The following KANSL3 variants were observed in gnomAD, a reference collection of about 807,000 sequenced individuals.
KANSL3 encodes KAT8 regulatory NSL complex subunit 3, also known as NSL complex protein NSL3.
KANSL3 carries 16 observed loss-of-function variants against 89.2 expected under a neutral mutation model. That is an observed-to-expected ratio of 0.18 (90% CI 0.12 to 0.27). The LOEUF is 0.27. KANSL3 is among the 10% of genes least tolerant of loss of function. The probability of loss-of-function intolerance (pLI) is 1.00; values close to 1 mark genes in which losing one functional copy is unlikely to be tolerated. For synonymous variants in KANSL3, 385 were observed against 419.7 expected, an observed-to-expected ratio of 0.92 and a Z score of 1.01; for missense variants, 879 against 1,110.6, an observed-to-expected ratio of 0.79 and a Z score of 2.96.
chr2:96,597,455 AGTCCAGT>A (rs1228746490), intron 20 of KANSL3, among the ~76,000 whole-genome samples: 2 of 152,210 alleles, frequency 1.3e-5, no homozygotes, highest in East Asian at 3.8e-4. Context: ...CCTGACCCAT[AGTCCAGT>A]GCTCTGTCTG....
chr2:96,609,950 C>CAAAAA lies in KANSL3; in HGVS notation c.1320-393_1320-389dup, dbSNP rs35175492. 9.9e-3 allele frequency among the ~76,000 whole-genome samples: 215 copies of CAAAAA among 21,614 alleles called. 79 individuals are homozygous for CAAAAA. The highest frequency in any genetic ancestry group is 0.032 in the East Asian group (16 of 502). The allele number at this position is 21,614 out of a possible 152,430, so 14.2% of individuals were successfully genotyped here. A position where few individuals can be genotyped will look rare whatever the true frequency, so the allele number is the denominator to read the frequency against. ...TAGGCGACAGAGCCAGGCGCCACCTCAAAAAAAAAAAAAAAAAAAAAAAAA... is the reference window on the plus strand; with the variant it reads ...TAGGCGACAGAGCCAGGCGCCACCTCAAAAAAAAAAAAAAAAAAAAAAAAAAAAAA... On this transcript the variant is annotated intron_variant, in intron 11 of 20. Coordinates refer to ENST00000431828, the MANE Select transcript of KANSL3 (RefSeq NM_001115016.3).
chr2:96,584,880 C>T, the KANSL3 span, among the ~76,000 whole-genome samples: 1 of 152,154 alleles, frequency 6.6e-6, no homozygotes, highest in Non-Finnish European at 1.5e-5. Context: ...GCTGTGTATG[C>T]CTGAGAACAT....
At chr2:96,602,438 G>A in intron 18 of KANSL3, 100 bp from the exon 19 acceptor site, 1 of 850,248 alleles carries the variant, frequency 1.2e-6, no homozygotes, top group South Asian at 1.5e-5. Flanking sequence ...AACATGTATT[G>A]AGTGCCTACT....
chr2:96,614,116 A>G (rs2069509298), intron 5 of KANSL3, among the ~76,000 whole-genome samples: 1 of 152,154 alleles, frequency 6.6e-6, no homozygotes, highest in Non-Finnish European at 1.5e-5. Flanking sequence ...TATTGAGACA[A>G]AGTCTCGCTC....
Position 96,604,138 on chromosome 2 carries a change from C to T in KANSL3, c.2149+112G>A, listed in dbSNP as rs1027441897. 34 of 1,262,228 alleles carry T rather than the reference C, an allele frequency of 2.7e-5. No homozygotes were observed. In the African/African-American group the frequency reaches 4.4e-4, roughly 16 times the overall value. 78.2% of individuals were successfully genotyped at this position (1,262,228 alleles called of 1,614,324 possible). ...TCAAGCCTCTATGATCACTCTAAGA[C>T]CCAGAGGCCCATCCTATGGATTTAG... On this transcript the variant is annotated intron_variant, in intron 17 of 20. Transcript: ENST00000431828.
Position 96,602,121 on chromosome 2 carries a change from G to C in KANSL3, c.2477C>G (p.Ala826Gly). The change falls in exon 19 of 21, where the codon GCA becomes GGA. Residue 826 changes from alanine to glycine, a missense_variant. Around this residue, in one of 6 missense-constraint regions of KANSL3, gnomAD observed 89 missense variants for 139.7 expected, o/e 0.64. Transcript: ENST00000431828. ...LPGLAQISNQASGLKVPTTIT... is the reference protein window; with the variant it reads ...LPGLAQISNQGSGLKVPTTIT... ...AGTTCTCATGAGAGACTCACCTGAT[G>C]CTTGGTTAGAGATCTGAGCCAGGCC... 2.5e-6 allele frequency: 4 copies of C among 1,575,248 alleles called. No homozygotes were observed. The highest frequency in any genetic ancestry group is 2.6e-6 in the Non-Finnish European group (3 of 1,160,428).
chr2:96,633,253 CAAA>C, intron 2 of KANSL3, among the ~76,000 whole-genome samples: 1 of 137,554 alleles, frequency 7.3e-6, no homozygotes. Flanking sequence ...GACCTCGGCC[CAAA>C]AAAAAAAAAT....
intron 14 of KANSL3, among the ~76,000 whole-genome samples, chr2:96,607,200 T>C (rs563917365): frequency 1.3e-5 from 2 of 152,308 alleles, no homozygotes; most frequent in East Asian, 1.9e-4. Context: ...AGTCAGTCTG[T>C]AGAAGCATCT....
Position 96,595,640 on chromosome 2 carries a change from G to C in KANSL3, c.2617-9C>G. On this transcript the variant is annotated splice_polypyrimidine_tract_variant and intron_variant, in intron 20 of 20. Coordinates refer to ENST00000431828, the MANE Select transcript of KANSL3 (RefSeq NM_001115016.3). ...GGTGCTGGAGGCAGGCGCTGTGGCA[G>C]GAGAGGTAGTGAAGAAGGGTCAAAG... The C allele has an allele frequency of 1.2e-6, 2 of 1,613,698 alleles. No homozygotes were observed. The highest frequency in any genetic ancestry group is 1.7e-6 in the Non-Finnish European group (2 of 1,179,754).
chr2:96,633,288 G>C (rs2073736934), intron 2 of KANSL3, among the ~76,000 whole-genome samples: 1 of 152,010 alleles, frequency 6.6e-6, no homozygotes, highest in Non-Finnish European at 1.5e-5. Context: ...TAAATATTCA[G>C]GCTGGGCGTA....
At position 96,630,774 on chromosome 2, in the gene KANSL3, C is replaced by T. The variant is rs371346452; in HGVS notation, c.386+538G>A. Among the ~76,000 whole-genome samples the T allele has an allele frequency of 1.1e-4, 16 of 152,104 alleles. No individual in the cohort carries two copies. In the East Asian group the frequency reaches 3.1e-3, roughly 29 times the overall value. On this transcript the variant is annotated intron_variant, in intron 3 of 20. Transcript: ENST00000431828. ...AGAGGAGTGCTGAGTCCCCTGGGGGCAGTAGAAAGCTTGGGAACAAAACTA... is the reference window on the plus strand; with the variant it reads ...AGAGGAGTGCTGAGTCCCCTGGGGGTAGTAGAAAGCTTGGGAACAAAACTA...
At chr2:96,619,639 G>C in intron 4 of KANSL3, 33 bp downstream of exon 4, 1 of 1,591,998 alleles carries the variant, frequency 6.3e-7, no homozygotes. Flanking sequence ...GAACTACGAA[G>C]AGCCCACTGT....
At chr2:96,605,687 G>A (rs2067876170) in intron 14 of KANSL3, 176 bp from the exon 15 acceptor site, 1 of 501,366 alleles carries the variant, frequency 2.0e-6, no homozygotes, top group Admixed American at 3.3e-5. Flanking sequence ...ACTTCACTCA[G>A]GCCCTGTCCG....
At chr2:96,631,541 C>A in intron 2 of KANSL3, 59 bp from the exon 3 acceptor site, 2 of 1,546,694 alleles carry the variant, frequency 1.3e-6, no homozygotes, top group South Asian at 2.4e-5. Flanking sequence ...ATTTAACAAT[C>A]ATCTGGTTGA....
At position 96,594,490 on chromosome 2, in the gene KANSL3, T is replaced by C. The variant is rs2066400596; in HGVS notation, c.*1121A>G. ...ACAGCCCTGCATAGTAGAGTCACTG[T>C]CAATCATCTTCCCACTTGTAAGCAG... On this transcript the variant is annotated 3_prime_UTR_variant, in exon 21 of 21. Transcript: ENST00000431828. 6.6e-6 allele frequency: 1 copy of C among 152,170 alleles called. No homozygotes were observed. Among genetic ancestry groups the C allele is most frequent in the Non-Finnish European group, 1.5e-5 (1 of 68,050 alleles). 9.4% of individuals were successfully genotyped at this position (152,170 alleles called of 1,614,324 possible).
the KANSL3 span, among the ~76,000 whole-genome samples, chr2:96,583,971 G>A: frequency 6.6e-6 from 1 of 152,168 alleles, no homozygotes; most frequent in East Asian, 1.9e-4. Flanking sequence ...CAGTGATACT[G>A]AAAACTCTTT....
downstream of KANSL3, among the ~76,000 whole-genome samples, chr2:96,591,629 A>G (rs1323660099): frequency 1.3e-5 from 2 of 152,236 alleles, no homozygotes; most frequent in African/African-American, 4.8e-5. Flanking sequence ...TAGAAAAGTA[A>G]TGATATGAAC....
At position 96,619,560 on chromosome 2, in the gene KANSL3, G is replaced by C. The variant is rs1233335108; in HGVS notation, c.478-16C>G. 1 of 1,611,570 alleles carries C rather than the reference G, an allele frequency of 6.2e-7. No individual in the cohort carries two copies. The highest frequency in any genetic ancestry group is 1.3e-5 in the African/African-American group (1 of 74,902). On this transcript the variant is annotated splice_polypyrimidine_tract_variant and intron_variant, in intron 4 of 20. Coordinates refer to ENST00000431828, the MANE Select transcript of KANSL3 (RefSeq NM_001115016.3). ...CATTACAAGCCTGAAGGATGTAAGT[G>C]GAAGTAATAAAACATGAGGACTACC...
intron 2 of KANSL3, among the ~76,000 whole-genome samples, chr2:96,635,575 C>A (rs537299513): frequency 3.3e-5 from 5 of 152,298 alleles, no homozygotes; most frequent in African/African-American, 9.6e-5. Flanking sequence ...CCAGAGGCAT[C>A]AAGATTATGC....
Sources: gnomAD v4.1 joint callset for allele counts (sites outside exome capture counted in the v4.1 genomes callset) on GRCh38, gnomAD v4.1.1 for gene constraint, gnomAD v4.1.1 regional missense constraint, MANE v1.5 for transcripts, NCBI Gene and HGNC (gene_info 2026-07-23, HGNC 2026-07-21) for gene names.